EXOC4: variants seen among roughly 807,000 people sequenced by gnomAD.
EXOC4 encodes exocyst complex component 4.
Under a neutral mutation model 107.2 loss-of-function variants are expected in EXOC4, and 71 were observed. That is an observed-to-expected ratio of 0.66 (90% CI 0.55 to 0.81). EXOC4 has a LOEUF of 0.81. Ranked by LOEUF, EXOC4 falls within the 30% of genes least tolerant of loss-of-function variation. EXOC4 has a pLI of 0.00. For missense variants in EXOC4, 1,108 were observed against 1,189.6 expected (o/e 0.93, Z 1.01); for synonymous variants, 456 against 441.2 (o/e 1.03, Z -0.42).
At chr7:133,946,600 A>G (rs1271006347) in intron 14 of EXOC4, among the ~76,000 whole-genome samples, 1 of 152,248 alleles carries the variant, frequency 6.6e-6, no homozygotes, top group Non-Finnish European at 1.5e-5. Flanking sequence ...CATAATGAAG[A>G]AAGAATTGTG....
intron 3 of EXOC4, among the ~76,000 whole-genome samples, chr7:133,289,614 T>G (rs1302087606): frequency 6.6e-6 from 1 of 152,240 alleles, no homozygotes; most frequent in East Asian, 1.9e-4. Flanking sequence ...CAATCTAGCC[T>G]TTAGCCTCCA....
chr7:134,087,170 G>C, the EXOC4 span, among the ~76,000 whole-genome samples: 2 of 152,182 alleles, frequency 1.3e-5, no homozygotes, highest in Admixed American at 1.3e-4. Context: ...AGATGGATTT[G>C]CTCTGGTTCA....
chr7:134,038,185 T>A (rs1795435571), intron 17 of EXOC4, among the ~76,000 whole-genome samples: 1 of 152,194 alleles, frequency 6.6e-6, no homozygotes, highest in South Asian at 2.1e-4. Flanking sequence ...ATGGGAACTG[T>A]CTGAACTCAT....
At chr7:133,511,700 A>T (rs1354072472) in intron 9 of EXOC4, among the ~76,000 whole-genome samples, 1 of 152,132 alleles carries the variant, frequency 6.6e-6, no homozygotes, top group Non-Finnish European at 1.5e-5. Context: ...CTGTGATGTA[A>T]ATATTTAGTG....
At chr7:134,001,564 T>C (rs192341885) in intron 15 of EXOC4, among the ~76,000 whole-genome samples, 1 of 152,278 alleles carries the variant, frequency 6.6e-6, no homozygotes, top group East Asian at 1.9e-4. Context: ...GAAGGTCTCA[T>C]AAGCTCTCAC....
chr7:134,072,933 G>A, the EXOC4 span, among the ~76,000 whole-genome samples: 1 of 152,050 alleles, frequency 6.6e-6, no homozygotes, highest in South Asian at 2.1e-4. Flanking sequence ...GGCTGGGCAT[G>A]GTAGCTCATG....
intron 10 of EXOC4, among the ~76,000 whole-genome samples, chr7:133,798,910 A>T (rs1005794490): frequency 1.4e-4 from 22 of 152,218 alleles, no homozygotes; most frequent in African/African-American, 5.3e-4. Flanking sequence ...GTATAAACAC[A>T]TCATTGTGTT....
At chr7:133,990,930 CTT>C (rs1046117557) in intron 14 of EXOC4, among the ~76,000 whole-genome samples, 8 of 152,142 alleles carry the variant, frequency 5.3e-5, no homozygotes, top group Non-Finnish European at 8.8e-5. Flanking sequence ...TTTCCTCTCT[CTT>C]GGATATACCC....
intron 9 of EXOC4, among the ~76,000 whole-genome samples, chr7:133,521,219 T>C (rs963848499): frequency 6.6e-6 from 1 of 152,196 alleles, no homozygotes; most frequent in Non-Finnish European, 1.5e-5. Flanking sequence ...TAGTTGGAAA[T>C]TGAAAACCCT....
intron 11 of EXOC4, among the ~76,000 whole-genome samples, chr7:133,861,269 G>A: frequency 6.6e-6 from 1 of 152,126 alleles, no homozygotes; most frequent in Non-Finnish European, 1.5e-5. Context: ...AATTGCCTGT[G>A]GACCTTGTTT....
chr7:133,815,619 G>C (rs1327148999), intron 10 of EXOC4, among the ~76,000 whole-genome samples: 2 of 152,238 alleles, frequency 1.3e-5, no homozygotes, highest in East Asian at 3.9e-4. Context: ...TCTGAGTTTG[G>C]CTCGGTTGCC....
intron 11 of EXOC4, among the ~76,000 whole-genome samples, chr7:133,853,397 C>CACA (rs1554409539): frequency 1.0e-3 from 122 of 121,902 alleles, no homozygotes; most frequent in Non-Finnish European, 1.7e-3. Flanking sequence ...CACACACACA[C>CACA]AACTTTTTAG....
At chr7:133,374,132 C>G (rs1183788016) in intron 6 of EXOC4, among the ~76,000 whole-genome samples, 1 of 152,162 alleles carries the variant, frequency 6.6e-6, no homozygotes, top group Non-Finnish European at 1.5e-5. Flanking sequence ...GCTAAATGTA[C>G]TGACATGGAA....
At chr7:133,468,176 A>G (rs1798778830) in intron 7 of EXOC4, among the ~76,000 whole-genome samples, 1 of 152,222 alleles carries the variant, frequency 6.6e-6, no homozygotes, top group African/African-American at 2.4e-5. Context: ...CCAAAAATAC[A>G]TGTGTACTCT....
chr7:133,363,919 T>G (rs1420230360), intron 6 of EXOC4, among the ~76,000 whole-genome samples: 2 of 152,122 alleles, frequency 1.3e-5, no homozygotes, highest in Non-Finnish European at 2.9e-5. Flanking sequence ...CAAAAGAAAT[T>G]CTTACGTTGA....
At chr7:133,635,404 C>A (rs1802684465) in intron 10 of EXOC4, among the ~76,000 whole-genome samples, 1 of 152,068 alleles carries the variant, frequency 6.6e-6, no homozygotes, top group African/African-American at 2.4e-5. Context: ...CTCTCCAAGT[C>A]TAAAAACAGA....
intron 9 of EXOC4, among the ~76,000 whole-genome samples, chr7:133,512,012 C>T (rs1016672049): frequency 2.6e-5 from 4 of 152,148 alleles, no homozygotes; most frequent in Admixed American, 6.5e-5. Flanking sequence ...ATTCAGATGT[C>T]GATGAGACAA....
intron 10 of EXOC4, among the ~76,000 whole-genome samples, chr7:133,669,902 G>A (rs1407258732): frequency 6.6e-6 from 1 of 152,142 alleles, no homozygotes; most frequent in East Asian, 1.9e-4. Context: ...TATTTCCACA[G>A]TTATTTTCTT....
At chr7:133,798,332 T>A (rs968701799) in intron 10 of EXOC4, among the ~76,000 whole-genome samples, 2 of 149,162 alleles carry the variant, frequency 1.3e-5, no homozygotes, top group African/African-American at 4.9e-5. Flanking sequence ...ATCTGAGTCA[T>A]TTAAAAGCTT....
Sources: allele counts gnomAD v4.1 joint callset (sites outside exome capture counted in the v4.1 genomes callset), GRCh38; gene constraint gnomAD v4.1.1; transcripts MANE v1.5; gene names NCBI Gene and HGNC (gene_info 2026-07-23, HGNC 2026-07-21).